Variants in AP3B2 observed in about 807,000 individuals in gnomAD.
AP3B2 encodes AP-3 complex subunit beta-2.
Under a neutral mutation model 126.9 loss-of-function variants are expected in AP3B2, and 50 were observed. The observed-to-expected ratio is 0.39, with a 90% CI of 0.31 to 0.50. The LOEUF (loss-of-function observed/expected upper bound fraction) is 0.50, where lower values mean the gene tolerates loss of function less well. Ranked by LOEUF, AP3B2 falls within the 20% of genes least tolerant of loss-of-function variation. The pLI, the probability that AP3B2 is intolerant of heterozygous loss-of-function variation, is 0.79. For synonymous variants in AP3B2, 541 were observed against 565.0 expected (o/e 0.96, Z 0.60); for missense variants, 1,177 against 1,426.4 (o/e 0.83, Z 2.82).
intron 1 of AP3B2, chr15:82,691,725 A>G (rs1163232650): frequency 2.2e-5 from 34 of 1,562,846 alleles, no homozygotes; most frequent in Middle Eastern, 4.7e-4. Flanking sequence ...CACCTGTCTC[A>G]GTAGGGCCTG....
At chr15:82,662,622 G>A in intron 23 of AP3B2, 72 bp downstream of exon 23, 2 of 1,416,092 alleles carry the variant, frequency 1.4e-6, no homozygotes, top group East Asian at 2.5e-5. Context: ...CACAAGGAGG[G>A]TATCAGCAAC....
chr15:82,678,687 C>G (rs1197221074), intron 10 of AP3B2, among the ~76,000 whole-genome samples: 2 of 152,236 alleles, frequency 1.3e-5, no homozygotes, highest in African/African-American at 4.8e-5. Context: ...GAAAACTTCC[C>G]TGGCACCAGA....
Position 82,709,782 on chromosome 15 carries a change from G to T in AP3B2, c.-76C>A. On this transcript the variant is annotated 5_prime_UTR_variant, in exon 1 of 27. Coordinates refer to ENST00000535359, the MANE Select transcript of AP3B2 (RefSeq NM_001278512.2). Reference sequence around the variant, plus strand: ...GGCTGGAGCGGAGGAAGGGAAGGCGGGCCGGTCCGGTCCGGGCTGGCGAAG... The same window carrying T: ...GGCTGGAGCGGAGGAAGGGAAGGCGTGCCGGTCCGGTCCGGGCTGGCGAAG... 8.1e-7 allele frequency: 1 copy of T among 1,235,194 alleles called. No homozygotes were observed. The highest frequency in any genetic ancestry group is 1.1e-6 in the Non-Finnish European group (1 of 931,820). 76.5% of individuals were successfully genotyped at this position (1,235,194 alleles called of 1,614,324 possible). A position where few individuals can be genotyped will look rare whatever the true frequency, so the allele number is the denominator to read the frequency against.
chr15:82,666,593 G>A (rs2048063314), intron 15 of AP3B2, among the ~76,000 whole-genome samples, 154 bp downstream of exon 15: 1 of 152,124 alleles, frequency 6.6e-6, no homozygotes, highest in Non-Finnish European at 1.5e-5. Flanking sequence ...GTAATTCCTG[G>A]TGCCACAGGA....
Position 82,680,042 on chromosome 15 carries a change from C to T in AP3B2, c.1110+133G>A. 7.7e-7 allele frequency: 1 copy of T among 1,302,246 alleles called. No homozygotes were observed. Among genetic ancestry groups the T allele is most frequent in the Non-Finnish European group, 1.1e-6 (1 of 939,638 alleles). The allele number at this position is 1,302,246 out of a possible 1,614,324, so 80.7% of individuals were successfully genotyped here. On this transcript the variant is annotated intron_variant, in intron 9 of 26. Coordinates refer to ENST00000535359, the MANE Select transcript of AP3B2 (RefSeq NM_001278512.2). This position sits in a 1 kb window ranked among gnomAD's most constrained non-coding sequence, Gnocchi z 6.1. Reference sequence around the variant, plus strand: ...CTATCTGTATTTGGAGCCTCCCCTGCCCCATCCTCTGCACAGCCAGGGTAT... The same window carrying T: ...CTATCTGTATTTGGAGCCTCCCCTGTCCCATCCTCTGCACAGCCAGGGTAT...
At chr15:82,662,017 A>T in intron 24 of AP3B2, 95 bp from the exon 25 acceptor site, 1 of 1,363,242 alleles carries the variant, frequency 7.3e-7, no homozygotes, top group Non-Finnish European at 1.0e-6. Context: ...AGGCAGTGAA[A>T]GAGTGAGGTC....
At chr15:82,697,117 G>A (rs918253697) in intron 1 of AP3B2, among the ~76,000 whole-genome samples, 2 of 152,154 alleles carry the variant, frequency 1.3e-5, no homozygotes, top group Admixed American at 1.3e-4. Flanking sequence ...GGATCACAAG[G>A]CCAGGAGATC....
Position 82,709,700 on chromosome 15 carries a change from C to T in AP3B2, c.7G>A (p.Ala3Thr). MS[A>T]APAYSEDKGG... ...TTGTCTTCGCTGTAGGCGGGGGCGG[C>T]CGACATGGGGCGGCCAGGGAGACTT... The change falls in exon 1 of 27, where the codon GCC becomes ACC. Residue 3 changes from alanine to threonine, a missense_variant. Ala to Thr is a moderately conservative substitution (Grantham distance 58). Around this residue, in one of 5 missense-constraint regions of AP3B2, gnomAD observed 49 missense variants for 39.3 expected, o/e 1.25. Transcript: ENST00000535359. 1 of 1,486,104 alleles carries T rather than the reference C, an allele frequency of 6.7e-7. No individual in the cohort carries two copies. The allele number at this position is 1,486,104 out of a possible 1,614,324, so 92.1% of individuals were successfully genotyped here. A position where few individuals can be genotyped will look rare whatever the true frequency, so the allele number is the denominator to read the frequency against.
At chr15:82,706,700 CCTT>C (rs1015280094) in intron 1 of AP3B2, among the ~76,000 whole-genome samples, 4 of 152,352 alleles carry the variant, frequency 2.6e-5, no homozygotes, top group East Asian at 1.9e-4. Context: ...GAAAATATCT[CCTT>C]CTAGCCTCAC....
chr15:82,707,459 T>C (rs766350107), intron 1 of AP3B2, among the ~76,000 whole-genome samples: 4 of 152,200 alleles, frequency 2.6e-5, no homozygotes, highest in Non-Finnish European at 4.4e-5. Flanking sequence ...TCATCCCTAC[T>C]ATCTTCTGAC....
chr15:82,677,596 C>T, intron 12 of AP3B2, 75 bp downstream of exon 12: 1 of 1,473,594 alleles, frequency 6.8e-7, no homozygotes, highest in Non-Finnish European at 9.1e-7. Context: ...GGTGGATATC[C>T]AGTGGCCAGC....
intron 10 of AP3B2, among the ~76,000 whole-genome samples, chr15:82,679,434 T>C (rs1346978316): frequency 6.6e-6 from 1 of 152,208 alleles, no homozygotes; most frequent in African/African-American, 2.4e-5. Context: ...AGTCTATATT[T>C]TTATAAAAGG....
At chr15:82,682,521 A>G (rs1310154240) in intron 4 of AP3B2, among the ~76,000 whole-genome samples, 3 of 152,162 alleles carry the variant, frequency 2.0e-5, no homozygotes, top group Admixed American at 6.5e-5. Context: ...CTAGACCTCA[A>G]CAATAAAGCA....
rs1404017448 is a variant in AP3B2, at chr15:82,665,891, T to A, written c.1853-316A>T. Among the ~76,000 whole-genome samples, 2 of 152,136 alleles carry A rather than the reference T, an allele frequency of 1.3e-5. No homozygotes were observed. Among genetic ancestry groups the A allele is most frequent in the African/African-American group, 2.4e-5 (1 of 41,424 alleles). ...GCTCAGCATGCACGTCTAGTCAGGC[T>A]CTGGACTCAGCAGGGAGGGATGAAC... is the stretch of plus-strand genomic sequence containing the variant. On this transcript the variant is annotated intron_variant, in intron 15 of 26. Transcript: ENST00000535359. The surrounding 1 kb of genome is among the most constrained non-coding windows in gnomAD (Gnocchi z 4.4).
intron 12 of AP3B2, 27 bp from the exon 13 acceptor site, chr15:82,677,410 C>T: frequency 6.3e-7 from 1 of 1,595,316 alleles, no homozygotes; most frequent in Non-Finnish European, 8.6e-7. Context: ...AGTGTGTGGA[C>T]CCCAAGACAG....
At chr15:82,692,150 G>A (rs927622239) in intron 1 of AP3B2, 17 of 1,491,010 alleles carry the variant, frequency 1.1e-5, no homozygotes, top group Non-Finnish European at 1.4e-5. Flanking sequence ...GCCGACACTG[G>A]CCATAATCAT....
At position 82,680,375 on chromosome 15, in the gene AP3B2, G is replaced by A. The variant is rs1275082035; in HGVS notation, c.1055+97C>T. ...GGTCAGTGTGGAGCGGGTGGGCAGAGGTGGAAGCGGCTGGTGGGCGTGAGG... is the reference window on the plus strand; with the variant it reads ...GGTCAGTGTGGAGCGGGTGGGCAGAAGTGGAAGCGGCTGGTGGGCGTGAGG... On this transcript the variant is annotated intron_variant, in intron 8 of 26. Coordinates refer to ENST00000535359, the MANE Select transcript of AP3B2 (RefSeq NM_001278512.2). The surrounding 1 kb of genome is among the most constrained non-coding windows in gnomAD (Gnocchi z 6.1). The A allele has an allele frequency of 6.8e-6, 10 of 1,465,676 alleles. No individual in the cohort carries two copies. The highest frequency in any genetic ancestry group is 2.8e-5 in the African/African-American group (2 of 71,294). The allele number at this position is 1,465,676 out of a possible 1,614,324, so 90.8% of individuals were successfully genotyped here.
At chr15:82,663,280 G>T in intron 21 of AP3B2, 47 bp from the exon 22 acceptor site, 1 of 1,424,158 alleles carries the variant, frequency 7.0e-7, no homozygotes, top group Non-Finnish European at 9.8e-7. Flanking sequence ...GAGGTGGCTT[G>T]GGTTGAGCAG....
intron 4 of AP3B2, among the ~76,000 whole-genome samples, chr15:82,682,778 G>T (rs2048362398): frequency 6.6e-6 from 1 of 151,888 alleles, no homozygotes; most frequent in African/African-American, 2.4e-5. Context: ...GCATGCAATA[G>T]CATTATGTCT....
Sources: gnomAD v4.1 joint callset for allele counts (sites outside exome capture counted in the v4.1 genomes callset) on GRCh38, gnomAD v4.1.1 for gene constraint, gnomAD v4.1.1 regional missense constraint, Gnocchi (gnomAD v3.1) non-coding constraint, MANE v1.5 for transcripts, NCBI Gene and HGNC (gene_info 2026-07-23, HGNC 2026-07-21) for gene names.